The following PTPRD variants were observed in gnomAD, a reference collection of about 807,000 sequenced individuals.
The protein encoded by PTPRD is receptor-type tyrosine-protein phosphatase delta.
A neutral mutation model predicts 214.5 loss-of-function variants in PTPRD; 34 were observed. The ratio of observed to expected loss-of-function variants is 0.16; its 90% confidence interval spans 0.12 to 0.21. The LOEUF (loss-of-function observed/expected upper bound fraction) is 0.21, where lower values mean the gene tolerates loss of function less well. Among genes scored for constraint, PTPRD ranks in the 10% least tolerant of loss-of-function variants. The probability of loss-of-function intolerance (pLI) is 1.00; values close to 1 mark genes in which losing one functional copy is unlikely to be tolerated. For synonymous variants in PTPRD, 1,128 were observed against 845.7 expected, an observed-to-expected ratio of 1.33 and a Z score of -5.79; for missense variants, 2,545 against 2,398.7, an observed-to-expected ratio of 1.06 and a Z score of -1.27.
At chr9:10,589,124 G>T (rs1409035995) in intron 2 of PTPRD, among the ~76,000 whole-genome samples, 1 of 152,020 alleles carries the variant, frequency 6.6e-6, no homozygotes, top group East Asian at 1.9e-4. Context: ...TGTAGGTAAA[G>T]TTGAAATCAT....
chr9:10,587,075 A>G (rs1272649209), intron 2 of PTPRD, among the ~76,000 whole-genome samples: 2 of 152,116 alleles, frequency 1.3e-5, no homozygotes, highest in Non-Finnish European at 2.9e-5. Context: ...ATCACTAACA[A>G]CAAATCACAT....
intron 8 of PTPRD, among the ~76,000 whole-genome samples, chr9:9,533,983 A>G (rs1424221976): frequency 6.6e-6 from 1 of 152,042 alleles, no homozygotes; most frequent in Non-Finnish European, 1.5e-5. Flanking sequence ...TTTAAAAAAT[A>G]TGTTAAAATT....
chr9:10,315,330 C>A (rs2096392773), intron 3 of PTPRD, among the ~76,000 whole-genome samples: 1 of 151,744 alleles, frequency 6.6e-6, no homozygotes, highest in Admixed American at 6.6e-5. Flanking sequence ...AAATCATCAG[C>A]AGAATAAATG....
rs146083929 is a variant in PTPRD at position 9,989,521 on chromosome 9, T to C, written c.-472+44197A>G. On this transcript the variant is annotated intron_variant, in intron 4 of 45. Transcript: ENST00000381196. Reference sequence around the variant, plus strand: ...AGCCTGGGACAGCCGAACTCCATTATCTTCCCATTCCATCCCCCTTCTAGC... The same window carrying C: ...AGCCTGGGACAGCCGAACTCCATTACCTTCCCATTCCATCCCCCTTCTAGC... Among the ~76,000 whole-genome samples, 492 of 152,162 alleles carry C rather than the reference T, an allele frequency of 3.2e-3. 1 individual carries two copies. Among genetic ancestry groups the C allele is most frequent in the African/African-American group, 0.011 (461 of 41,526 alleles).
At chr9:9,931,637 A>AG (rs2086624660) in intron 5 of PTPRD, among the ~76,000 whole-genome samples, 1 of 150,662 alleles carries the variant, frequency 6.6e-6, no homozygotes, top group East Asian at 2.0e-4. Context: ...CAAGACGGCA[A>AG]CGAGGCTGGG....
rs370692736 is a variant in PTPRD, at chr9:10,605,742, C to T, written c.-600+6656G>A. ...TATGGAATCAAAAATTTTATGATAA[C>T]GTGGATACATTTTATAAGACCATAA... On this transcript the variant is annotated intron_variant, in intron 2 of 45. Coordinates refer to ENST00000381196, the MANE Select transcript of PTPRD (RefSeq NM_002839.4). Among the ~76,000 whole-genome samples, 30 of 151,834 alleles carry T rather than the reference C, an allele frequency of 2.0e-4. No homozygotes were observed. In the South Asian group the frequency reaches 3.9e-3, roughly 20 times the overall value.
chr9:10,200,975 C>T (rs955165460), intron 3 of PTPRD, among the ~76,000 whole-genome samples: 2 of 151,938 alleles, frequency 1.3e-5, no homozygotes, highest in African/African-American at 2.4e-5. Flanking sequence ...AAAGACACAG[C>T]TTATATACTC....
intron 6 of PTPRD, among the ~76,000 whole-genome samples, chr9:9,747,505 G>T (rs2098469774): frequency 6.6e-6 from 1 of 151,142 alleles, no homozygotes; most frequent in Non-Finnish European, 1.5e-5. Context: ...GAAAAATGGT[G>T]CCTCAGATTA....
intron 3 of PTPRD, among the ~76,000 whole-genome samples, chr9:10,122,435 C>A (rs931113533): frequency 2.6e-5 from 4 of 151,952 alleles, no homozygotes; most frequent in Non-Finnish European, 5.9e-5. Context: ...TAACAGGTAT[C>A]AAAGGGCTAC....
chr9:8,816,550 T>C (rs944100561), intron 11 of PTPRD, among the ~76,000 whole-genome samples: 9 of 152,202 alleles, frequency 5.9e-5, no homozygotes, highest in Admixed American at 2.0e-4. Flanking sequence ...TGCAACCATG[T>C]TGCCATGGCA....
At chr9:9,821,486 T>C (rs1306503179) in intron 5 of PTPRD, among the ~76,000 whole-genome samples, 4 of 152,270 alleles carry the variant, frequency 2.6e-5, no homozygotes, top group South Asian at 2.1e-4. Flanking sequence ...TCCCTAGATA[T>C]GTAGTTATAT....
chr9:9,849,566 A>G (rs1489317584), intron 5 of PTPRD, among the ~76,000 whole-genome samples: 1 of 152,136 alleles, frequency 6.6e-6, no homozygotes, highest in South Asian at 2.1e-4. Flanking sequence ...AAAGGAAAGA[A>G]TTTCCAGGAT....
chr9:9,118,841 A>G (rs2099814802), intron 10 of PTPRD, among the ~76,000 whole-genome samples: 1 of 152,142 alleles, frequency 6.6e-6, no homozygotes, highest in South Asian at 2.1e-4. Context: ...TAATAAGAGC[A>G]TTTTATTTTT....
At chr9:9,715,835 C>G (rs1375057930) in intron 7 of PTPRD, among the ~76,000 whole-genome samples, 2 of 152,166 alleles carry the variant, frequency 1.3e-5, no homozygotes, top group South Asian at 2.1e-4. Flanking sequence ...CAAACTGTTG[C>G]TAAGAAGCTT....
chr9:10,503,396 T>A (rs183215325), intron 2 of PTPRD, among the ~76,000 whole-genome samples: 15 of 152,090 alleles, frequency 9.9e-5, no homozygotes, highest in Middle Eastern at 3.4e-3. Context: ...ATAAATACCT[T>A]AATATTATCT....
At chr9:9,040,814 C>T (rs1390476018) in intron 10 of PTPRD, among the ~76,000 whole-genome samples, 1 of 152,126 alleles carries the variant, frequency 6.6e-6, no homozygotes, top group Non-Finnish European at 1.5e-5. Context: ...AGACTTGCAG[C>T]TAATGTTGCT....
rs201461736 is a variant in PTPRD at position 10,270,285 on chromosome 9, G to A, written c.-545+70678C>T. The stretch of plus-strand genomic sequence containing the variant: ...AGCAATAGTTTTTTTGAAAATAAAA[G>A]TTTATTATGCTGATATAGCATTCAT... On this transcript the variant is annotated intron_variant, in intron 3 of 45. Coordinates refer to ENST00000381196, the MANE Select transcript of PTPRD (RefSeq NM_002839.4). 2.0e-5 allele frequency among the ~76,000 whole-genome samples: 3 copies of A among 152,072 alleles called. No homozygotes were observed. The East Asian group carries it at 5.8e-4, about 29-fold the overall frequency.
At chr9:10,558,590 T>G (rs1204898820) in intron 2 of PTPRD, among the ~76,000 whole-genome samples, 4 of 152,162 alleles carry the variant, frequency 2.6e-5, no homozygotes, top group Non-Finnish European at 1.5e-5. Flanking sequence ...GTTAATTTAT[T>G]ACAGCATTTA....
intron 33 of PTPRD, among the ~76,000 whole-genome samples, chr9:8,458,460 CA>C (rs1340462968): frequency 3.3e-5 from 5 of 152,006 alleles, no homozygotes; most frequent in Admixed American, 6.6e-5. Flanking sequence ...CACAAAATGT[CA>C]TGTCATATGG....
Sources: allele counts gnomAD v4.1 joint callset (sites outside exome capture counted in the v4.1 genomes callset), GRCh38; gene constraint gnomAD v4.1.1; transcripts MANE v1.5; gene names NCBI Gene and HGNC (gene_info 2026-07-23, HGNC 2026-07-21).